CCDC102B: variants seen among roughly 807,000 people sequenced by gnomAD.
CCDC102B encodes coiled-coil domain-containing protein 102B.
CCDC102B carries 75 observed loss-of-function variants against 57.4 expected under a neutral mutation model. That is an observed-to-expected ratio of 1.31 (90% CI 1.08 to 1.58). The LOEUF (loss-of-function observed/expected upper bound fraction) is 1.58. Ranked by LOEUF, CCDC102B falls within the 40% of genes most tolerant of loss-of-function variation. CCDC102B has a pLI of 0.00. For missense variants in CCDC102B, 636 were observed against 582.6 expected, an observed-to-expected ratio of 1.09 and a Z score of -0.94; for synonymous variants, 206 against 201.9, an observed-to-expected ratio of 1.02 and a Z score of -0.17.
chr18:68,864,423 G>C (rs1042088576), intron 4 of CCDC102B, among the ~76,000 whole-genome samples: 1 of 151,894 alleles, frequency 6.6e-6, no homozygotes, highest in African/African-American at 2.4e-5. Flanking sequence ...ACTGCTGCCT[G>C]CTTTTTCATT....
intron 6 of CCDC102B, among the ~76,000 whole-genome samples, chr18:68,914,646 C>T (rs2040998921): frequency 6.6e-6 from 1 of 152,200 alleles, no homozygotes; most frequent in Admixed American, 6.5e-5. Flanking sequence ...TTATTTATCA[C>T]ACCACCACTA....
intron 4 of CCDC102B, among the ~76,000 whole-genome samples, chr18:68,866,245 T>C (rs2038972521): frequency 6.6e-6 from 1 of 152,178 alleles, no homozygotes; most frequent in Non-Finnish European, 1.5e-5. Flanking sequence ...ATAGTAATAA[T>C]AGATACATAC....
At chr18:68,966,076 C>T (rs1298149220) in intron 6 of CCDC102B, among the ~76,000 whole-genome samples, 1 of 152,146 alleles carries the variant, frequency 6.6e-6, no homozygotes, top group Non-Finnish European at 1.5e-5. Context: ...TCCACGAACA[C>T]TGTGGTGTGG....
At chr18:68,866,834 T>C in intron 4 of CCDC102B, 1 of 693,936 alleles carries the variant, frequency 1.4e-6, no homozygotes, top group South Asian at 1.4e-5. Flanking sequence ...GTGAAGTCCC[T>C]GTGTCTGGGG....
chr18:68,761,675 A>C (rs1382432003), intron 2 of CCDC102B, among the ~76,000 whole-genome samples: 3 of 152,078 alleles, frequency 2.0e-5, no homozygotes, highest in African/African-American at 7.2e-5. Flanking sequence ...ATATAACTAC[A>C]CTAGATTCCT....
chr18:68,939,792 AC>A (rs1426531828), intron 6 of CCDC102B, among the ~76,000 whole-genome samples: 1 of 151,832 alleles, frequency 6.6e-6, no homozygotes, highest in African/African-American at 2.4e-5. Flanking sequence ...AATAAAAATT[AC>A]CACAATCCAC....
Position 68,930,628 on chromosome 18 carries a change from C to G in CCDC102B, c.1263+33200C>G, listed in dbSNP as rs1485194287. 3.3e-5 allele frequency among the ~76,000 whole-genome samples: 5 copies of G among 152,000 alleles called. No individual in the cohort carries two copies. In the East Asian group the frequency reaches 9.7e-4, roughly 30 times the overall value. On this transcript the variant is annotated intron_variant, in intron 6 of 7. Coordinates refer to ENST00000360242, the MANE Select transcript of CCDC102B (RefSeq NM_024781.3). Reference sequence around the variant, plus strand: ...CTCTATCTCTGTTGGGGAATAACTACTATACTCTTCACAAAGCCAGCATGT... The same window carrying G: ...CTCTATCTCTGTTGGGGAATAACTAGTATACTCTTCACAAAGCCAGCATGT...
chr18:68,747,306 C>T (rs1292254388), intron 2 of CCDC102B, among the ~76,000 whole-genome samples: 1 of 151,964 alleles, frequency 6.6e-6, no homozygotes, highest in African/African-American at 2.4e-5. Flanking sequence ...CTTTCTCTCC[C>T]ACATATGAGG....
intron 7 of CCDC102B, among the ~76,000 whole-genome samples, chr18:69,047,786 A>T (rs1288346572): frequency 1.3e-5 from 2 of 152,086 alleles, no homozygotes; most frequent in African/African-American, 4.8e-5. Context: ...TCCCATTCAC[A>T]ATAGCCCCCA....
chr18:69,039,411 G>A (rs945875062), intron 7 of CCDC102B, among the ~76,000 whole-genome samples: 1 of 151,814 alleles, frequency 6.6e-6, no homozygotes, highest in Non-Finnish European at 1.5e-5. Context: ...GGTCATGTGT[G>A]CATTGTTATT....
chr18:68,821,989 T>C (rs2036709143), intron 1 of CCDC102B, among the ~76,000 whole-genome samples: 2 of 152,200 alleles, frequency 1.3e-5, no homozygotes, highest in South Asian at 4.1e-4. Flanking sequence ...CTAAATGTGC[T>C]AGGTCAAATA....
At chr18:68,881,640 A>G (rs1453233870) in intron 5 of CCDC102B, among the ~76,000 whole-genome samples, 2 of 152,148 alleles carry the variant, frequency 1.3e-5, no homozygotes, top group Non-Finnish European at 2.9e-5. Flanking sequence ...CTGATGCCTA[A>G]CTGCTTGAGC....
intron 7 of CCDC102B, among the ~76,000 whole-genome samples, chr18:69,046,624 T>G (rs541153112): frequency 6.6e-6 from 1 of 152,308 alleles, no homozygotes; most frequent in South Asian, 2.1e-4. Flanking sequence ...AATTTTTGCT[T>G]TTGTTGTAAT....
intron 2 of CCDC102B, among the ~76,000 whole-genome samples, chr18:68,725,146 T>A (rs2032535532): frequency 2.0e-5 from 3 of 152,172 alleles, no homozygotes; most frequent in African/African-American, 7.2e-5. Context: ...GAGAAATTGC[T>A]TTCATGATTC....
intron 1 of CCDC102B, among the ~76,000 whole-genome samples, chr18:68,811,087 CCA>C (rs1281976743): frequency 6.6e-6 from 1 of 152,076 alleles, no homozygotes; most frequent in Non-Finnish European, 1.5e-5. Context: ...TTTTCTTTAT[CCA>C]GTCTACCATT....
At chr18:68,885,051 G>A (rs2039833121) in intron 5 of CCDC102B, among the ~76,000 whole-genome samples, 1 of 151,782 alleles carries the variant, frequency 6.6e-6, no homozygotes, top group African/African-American at 2.4e-5. Context: ...TAGATTAAAA[G>A]CCCTCTATCT....
At chr18:68,808,198 G>T (rs986373170) in intron 1 of CCDC102B, among the ~76,000 whole-genome samples, 1 of 151,968 alleles carries the variant, frequency 6.6e-6, no homozygotes, top group Non-Finnish European at 1.5e-5. Flanking sequence ...TGGATTACTT[G>T]TTTTATATTA....
At chr18:68,919,562 T>G (rs959769965) in intron 6 of CCDC102B, among the ~76,000 whole-genome samples, 49 of 152,302 alleles carry the variant, frequency 3.2e-4, no homozygotes, top group Middle Eastern at 6.8e-3. Flanking sequence ...TACTGGAATT[T>G]GAGGCAATTC....
rs541996873 is a variant in CCDC102B, at chr18:68,921,059, C to T, written c.1263+23631C>T. Among the ~76,000 whole-genome samples the T allele has an allele frequency of 6.5e-4, 99 of 152,282 alleles. 2 individuals carry two copies. Among genetic ancestry groups the T allele is most frequent in the African/African-American group, 2.3e-3 (96 of 41,546 alleles). The stretch of plus-strand genomic sequence containing the variant: ...TGAGATGTTGTAAAAGTGTCATGCC[C>T]TGGTCACCTTCACCTACTTAGTTAT... On this transcript the variant is annotated intron_variant, in intron 6 of 7. Coordinates refer to ENST00000360242, the MANE Select transcript of CCDC102B (RefSeq NM_024781.3).
Sources: allele counts gnomAD v4.1 joint callset (sites outside exome capture counted in the v4.1 genomes callset), GRCh38; gene constraint gnomAD v4.1.1; transcripts MANE v1.5; gene names NCBI Gene and HGNC (gene_info 2026-07-23, HGNC 2026-07-21).